FBH1: variants seen among roughly 807,000 people sequenced by gnomAD.
The protein encoded by FBH1 is F-box DNA helicase 1.
In FBH1, 43 loss-of-function variants were observed where a neutral mutation model predicts 115.5. That is an observed-to-expected ratio of 0.37 (90% confidence interval 0.29 to 0.48). FBH1 has a LOEUF of 0.48. Among genes scored for constraint, FBH1 ranks in the 20% least tolerant of loss-of-function variants. FBH1 has a pLI of 0.99. For missense variants in FBH1, 1,001 were observed against 1,337.3 expected (o/e 0.75, Z 3.92); for synonymous variants, 524 against 507.8 (o/e 1.03, Z -0.43).
rs1195929605 is a variant in FBH1, at chr10:5,915,290, C to G, written c.1397-113C>G. The G allele has an allele frequency of 1.8e-5, 20 of 1,106,744 alleles. No homozygotes were observed. Among genetic ancestry groups the G allele is most frequent in the East Asian group, 5.2e-5 (2 of 38,706 alleles). The allele number at this position is 1,106,744 out of a possible 1,614,324, so 68.6% of individuals were successfully genotyped here. ...TTTACCAGCACTGAAAAACTTGTTA[C>G]TGTCCTGCTCTCAAGACAGAGGTGT... On this transcript the variant is annotated intron_variant, in intron 8 of 20. Transcript: ENST00000362091. This position sits in a 1 kb window ranked among gnomAD's most constrained non-coding sequence, Gnocchi z 5.2.
chr10:5,926,132 T>C (rs1832639194), intron 18 of FBH1, among the ~76,000 whole-genome samples: 2 of 152,048 alleles, frequency 1.3e-5, no homozygotes, highest in Admixed American at 1.3e-4. Context: ...ATTATTATTA[T>C]TATTTTGAGA....
At chr10:5,905,989 A>T in intron 2 of FBH1, 48 bp from the exon 3 acceptor site, 1 of 1,371,976 alleles carries the variant, frequency 7.3e-7, no homozygotes, top group Non-Finnish European at 1.0e-6. Context: ...CAGCAGGTCA[A>T]CAGTCATCGT....
rs766780643 is a variant in FBH1, at chr10:5,910,880, A to C, written c.1021-58A>C. 39 of 1,475,688 alleles carry C rather than the reference A, an allele frequency of 2.6e-5. No homozygotes were observed. Among genetic ancestry groups the C allele is most frequent in the Non-Finnish European group, 3.6e-5 (39 of 1,089,468 alleles). The allele number at this position is 1,475,688 out of a possible 1,614,324, so 91.4% of individuals were successfully genotyped here. A position where few individuals can be genotyped will look rare whatever the true frequency, so the allele number is the denominator to read the frequency against. On this transcript the variant is annotated intron_variant, in intron 5 of 20. Coordinates refer to ENST00000362091, the MANE Select transcript of FBH1 (RefSeq NM_178150.3). The surrounding 1 kb of genome is among the most constrained non-coding windows in gnomAD (Gnocchi z 4.8). Reference sequence around the variant, plus strand: ...GCTTTCCTGACTCCTTCCTGCTGTGATTCGTATTAACCATGGCCTGTGGGC... The same window carrying C: ...GCTTTCCTGACTCCTTCCTGCTGTGCTTCGTATTAACCATGGCCTGTGGGC...
chr10:5,905,145 C>T (rs1323386266), intron 2 of FBH1: 1 of 152,216 alleles, frequency 6.6e-6, no homozygotes, highest in African/African-American at 2.4e-5. Flanking sequence ...TTAGGTACCA[C>T]TCTAACACTA....
Position 5,918,289 on chromosome 10 carries a change from C to T in FBH1, c.1964-53C>T. ...AAGTGTTTTTGTCCTTTTCTTTTTG[C>T]TGCCTGGGGTGGAGGCCTCAAGGTT... On this transcript the variant is annotated intron_variant, in intron 12 of 20. Transcript: ENST00000362091. The surrounding 1 kb of genome is among the most constrained non-coding windows in gnomAD (Gnocchi z 4.0). 1 of 1,587,164 alleles carries T rather than the reference C, an allele frequency of 6.3e-7. No individual in the cohort carries two copies.
At chr10:5,934,376 GTT>G (rs58993530) in intron 19 of FBH1, 36,221 of 124,858 alleles carry the variant, frequency 0.29, 4,507 homozygotes, top group Middle Eastern at 0.36. Flanking sequence ...TTTTTTTTTT[GTT>G]TTTTTTTTTT....
chr10:5,904,749 T>A (rs1327744839), intron 2 of FBH1, among the ~76,000 whole-genome samples: 1 of 152,158 alleles, frequency 6.6e-6, no homozygotes, highest in Non-Finnish European at 1.5e-5. Flanking sequence ...GATTTAACCC[T>A]GATCATATGG....
At chr10:5,893,303 C>A (rs1842840214) in intron 1 of FBH1, among the ~76,000 whole-genome samples, 1 of 152,168 alleles carries the variant, frequency 6.6e-6, no homozygotes, top group Admixed American at 6.5e-5. Context: ...GAGTGAGACT[C>A]TGTCTGAAAA....
chr10:5,890,504 C>T (rs1391923899), intron 1 of FBH1, among the ~76,000 whole-genome samples, 158 bp downstream of exon 1: 1 of 150,750 alleles, frequency 6.6e-6, no homozygotes, highest in Non-Finnish European at 1.5e-5. Context: ...GGCGTGGGGG[C>T]TCGGCCGTCC....
rs1334185281 is a variant in FBH1 at position 5,927,420 on chromosome 10, C to T, written c.2723-15C>T. On this transcript the variant is annotated splice_polypyrimidine_tract_variant and intron_variant, in intron 18 of 20. Transcript: ENST00000362091. ...AGGCTTTTTAGTTGATTTTTTTCCC[C>T]TTTACTTTGTTTAGAGTCATTTTCT... 5.7e-6 allele frequency: 9 copies of T among 1,589,228 alleles called. No individual in the cohort carries two copies. The highest frequency in any genetic ancestry group is 7.7e-6 in the Non-Finnish European group (9 of 1,165,108).
chr10:5,891,549 A>G (rs1414678541), intron 1 of FBH1, among the ~76,000 whole-genome samples: 9 of 152,084 alleles, frequency 5.9e-5, no homozygotes, highest in Middle Eastern at 3.2e-3. Context: ...CTCTTGCATT[A>G]TGTCTCTAGT....
At position 5,924,269 on chromosome 10, in the gene FBH1, T is replaced by G; in HGVS notation, c.2399-42T>G. On this transcript the variant is annotated intron_variant, in intron 16 of 20. Transcript: ENST00000362091. The surrounding 1 kb of genome is among the most constrained non-coding windows in gnomAD (Gnocchi z 6.2). The stretch of plus-strand genomic sequence containing the variant: ...TGCAGCACCTGCCACCATCTGTTAG[T>G]GGAGCTTGTGTCACCTTAATTTGTG... The G allele has an allele frequency of 6.3e-7, 1 of 1,599,430 alleles. No homozygotes were observed. The highest frequency in any genetic ancestry group is 8.6e-7 in the Non-Finnish European group (1 of 1,167,420).
Position 5,923,764 on chromosome 10 carries a change from G to GGCCC in FBH1, c.2398+69_2398+72dup. 7.0e-7 allele frequency: 1 copy of GGCCC among 1,434,350 alleles called. No homozygotes were observed. Among genetic ancestry groups the GGCCC allele is most frequent in the Non-Finnish European group, 9.7e-7 (1 of 1,026,000 alleles). The allele number at this position is 1,434,350 out of a possible 1,614,324, so 88.9% of individuals were successfully genotyped here. On this transcript the variant is annotated intron_variant, in intron 16 of 20. Transcript: ENST00000362091. The surrounding 1 kb of genome is among the most constrained non-coding windows in gnomAD (Gnocchi z 5.7). ...AAGTGACAGGGACGAGAAAGAAGCA[G>GGCCC]GCCCAGTCTGAGTCAGGGACCCGTT...
At position 5,915,267 on chromosome 10, in the gene FBH1, T is replaced by C; in HGVS notation, c.1397-136T>C. ...GCTGCTCTTTTGGTGGCACTACTTT[T>C]ACCAGCACTGAAAAACTTGTTACTG... On this transcript the variant is annotated intron_variant, in intron 8 of 20. Coordinates refer to ENST00000362091, the MANE Select transcript of FBH1 (RefSeq NM_178150.3). This position sits in a 1 kb window ranked among gnomAD's most constrained non-coding sequence, Gnocchi z 5.2. The C allele has an allele frequency of 3.5e-6, 3 of 863,224 alleles. No individual in the cohort carries two copies. Among genetic ancestry groups the C allele is most frequent in the Non-Finnish European group, 5.2e-6 (3 of 573,052 alleles). 53.5% of individuals were successfully genotyped at this position (863,224 alleles called of 1,614,324 possible).
intron 1 of FBH1, among the ~76,000 whole-genome samples, chr10:5,902,148 G>A (rs1340751823): frequency 2.0e-5 from 3 of 152,028 alleles, no homozygotes; most frequent in African/African-American, 7.2e-5. Context: ...CCATTTGGGG[G>A]CTGGGGGAGT....
intron 1 of FBH1, among the ~76,000 whole-genome samples, chr10:5,894,902 C>G (rs1295016501): frequency 6.6e-6 from 1 of 152,196 alleles, no homozygotes; most frequent in Non-Finnish European, 1.5e-5. Context: ...ATGTTAAATG[C>G]ACACTTACAC....
chr10:5,929,052 G>T (rs1832820546), intron 19 of FBH1, among the ~76,000 whole-genome samples: 1 of 152,154 alleles, frequency 6.6e-6, no homozygotes, highest in Non-Finnish European at 1.5e-5. Context: ...TCAACTCTCA[G>T]AGGTGTTAAG....
In FBH1 at chr10:5,895,292, T is replaced by C. The variant is rs1842946057; in HGVS notation, c.1+4946T>C. 2 of 1,283,640 alleles carry C rather than the reference T, an allele frequency of 1.6e-6. No individual in the cohort carries two copies. Among genetic ancestry groups the C allele is most frequent in the Non-Finnish European group, 1.0e-6 (1 of 955,742 alleles). The allele number at this position is 1,283,640 out of a possible 1,614,324, so 79.5% of individuals were successfully genotyped here. ...ATCTTTGTTAAAGTTGGGTATGGTA[T>C]TGTAGCAGTTTCTCCAGTCAGGTAC... On this transcript the variant is annotated intron_variant, in intron 1 of 20. Transcript: ENST00000362091. This position sits in a 1 kb window ranked among gnomAD's most constrained non-coding sequence, Gnocchi z 5.0.
Position 5,920,590 on chromosome 10 carries a change from C to T in FBH1, c.2101-668C>T, listed in dbSNP as rs149526414. Among the ~76,000 whole-genome samples, 128 of 152,188 alleles carry T rather than the reference C, an allele frequency of 8.4e-4. 3 individuals carry two copies. The East Asian group carries it at 0.015, about 18-fold the overall frequency. ...CTCATGGATATTTATGTTATAATTT[C>T]GGTTATGGTTCACTCAGAGTAGTTT... is the stretch of plus-strand genomic sequence containing the variant. On this transcript the variant is annotated intron_variant, in intron 13 of 20. Transcript: ENST00000362091.
Sources: gnomAD v4.1 joint callset for allele counts (sites outside exome capture counted in the v4.1 genomes callset) on GRCh38, gnomAD v4.1.1 for gene constraint, Gnocchi (gnomAD v3.1) non-coding constraint, MANE v1.5 for transcripts, NCBI Gene and HGNC (gene_info 2026-07-23, HGNC 2026-07-21) for gene names.